The following RPH3A variants were observed in gnomAD, a reference collection of about 807,000 sequenced individuals.
RPH3A encodes the protein rabphilin 3A, also known as rabphilin-3A.
RPH3A carries 48 observed loss-of-function variants against 102.2 expected under a neutral mutation model. The ratio of observed to expected loss-of-function variants is 0.47; its 90% CI spans 0.37 to 0.60. The LOEUF (loss-of-function observed/expected upper bound fraction) is 0.60. RPH3A is among the 20% of genes least tolerant of loss of function. The pLI is 0.00. For synonymous variants in RPH3A, 310 were observed against 324.3 expected (o/e 0.96, Z 0.47); for missense variants, 781 against 910.1 (o/e 0.86, Z 1.83).
rs377510232 is a variant in RPH3A at position 112,708,859 on chromosome 12, T to A, written c.-139-83284T>A. ...TCTTTTCCTTTGTCCTTTGTTTTCT[T>A]TCTCTCCCAGATCTGGATCCTATAA... On this transcript the variant is annotated intron_variant, in intron 1 of 21. Transcript: ENST00000543106. Among the ~76,000 whole-genome samples the A allele has an allele frequency of 8.5e-5, 13 of 152,300 alleles. No homozygotes were observed. In the East Asian group the frequency reaches 1.3e-3, roughly 16 times the overall value.
At chr12:112,816,718 A>G (rs943639592) in intron 2 of RPH3A, among the ~76,000 whole-genome samples, 4 of 151,434 alleles carry the variant, frequency 2.6e-5, no homozygotes, top group African/African-American at 9.8e-5. Flanking sequence ...TTATTAGTGT[A>G]TTACTATTGT....
intron 1 of RPH3A, among the ~76,000 whole-genome samples, chr12:112,783,980 C>A (rs1181733729): frequency 6.6e-6 from 1 of 152,112 alleles, no homozygotes; most frequent in Non-Finnish European, 1.5e-5. Context: ...TTGAGAGGAT[C>A]TTCTTGGAGG....
chr12:112,760,550 A>G (rs1310207910), intron 1 of RPH3A, among the ~76,000 whole-genome samples: 1 of 152,250 alleles, frequency 6.6e-6, no homozygotes, highest in Non-Finnish European at 1.5e-5. Flanking sequence ...GTGAAGTTAT[A>G]ATGAACATAT....
chr12:112,749,879 CTTTTTG>C (rs909800540), intron 1 of RPH3A, among the ~76,000 whole-genome samples: 10 of 152,088 alleles, frequency 6.6e-5, no homozygotes, highest in African/African-American at 2.4e-4. Context: ...AGAGTTCTCT[CTTTTTG>C]TTTTTGTTTT....
intron 6 of RPH3A, among the ~76,000 whole-genome samples, chr12:112,866,444 A>G (rs1341532811): frequency 6.6e-6 from 1 of 152,156 alleles, no homozygotes; most frequent in Admixed American, 6.5e-5. Context: ...TAAGATAAAA[A>G]ATGGATATAT....
chr12:112,701,756 C>A (rs1298361731), intron 1 of RPH3A, among the ~76,000 whole-genome samples: 1 of 152,138 alleles, frequency 6.6e-6, no homozygotes, highest in Admixed American at 6.5e-5. Context: ...TGAAACATAA[C>A]AAAGAAGAGA....
At chr12:112,879,276 C>T (rs751868741) in intron 14 of RPH3A, 78 bp downstream of exon 14, 11 of 1,208,916 alleles carry the variant, frequency 9.1e-6, no homozygotes, top group Non-Finnish European at 1.2e-5. Flanking sequence ...GATGGATGAC[C>T]AGGCCTGTCT....
intron 1 of RPH3A, among the ~76,000 whole-genome samples, chr12:112,663,438 T>A (rs376195668): frequency 6.6e-6 from 1 of 152,036 alleles, no homozygotes; most frequent in African/African-American, 2.4e-5. Context: ...GGTCTTGAAC[T>A]CCTGGACTCA....
intron 1 of RPH3A, among the ~76,000 whole-genome samples, chr12:112,748,417 T>G (rs1359860912): frequency 6.6e-6 from 1 of 152,156 alleles, no homozygotes; most frequent in Non-Finnish European, 1.5e-5. Flanking sequence ...CACAGCAGCC[T>G]TAAACTCATG....
intron 1 of RPH3A, among the ~76,000 whole-genome samples, chr12:112,640,006 A>T (rs1263674762): frequency 6.6e-6 from 1 of 152,054 alleles, no homozygotes; most frequent in Non-Finnish European, 1.5e-5. Context: ...GCTGGGAAAT[A>T]GTGGAGCCGG....
intron 1 of RPH3A, among the ~76,000 whole-genome samples, chr12:112,701,445 C>T (rs770801938): frequency 6.6e-6 from 1 of 152,182 alleles, no homozygotes; most frequent in Admixed American, 6.6e-5. Context: ...CCTCAGTGAG[C>T]AGAATCAGGG....
chr12:112,678,278 A>AG (rs2040197557), intron 1 of RPH3A, among the ~76,000 whole-genome samples: 4 of 82,408 alleles, frequency 4.9e-5, no homozygotes, highest in East Asian at 3.7e-4. Flanking sequence ...AGAAAGAAAG[A>AG]AAGAAAGAAA....
chr12:112,613,840 A>G (rs1297981626), intron 1 of RPH3A, among the ~76,000 whole-genome samples: 1 of 152,140 alleles, frequency 6.6e-6, no homozygotes, highest in Non-Finnish European at 1.5e-5. Context: ...GCTACTCAGG[A>G]GACTGAGGCG....
At chr12:112,768,305 C>T (rs1168669877) in intron 1 of RPH3A, among the ~76,000 whole-genome samples, 2 of 152,188 alleles carry the variant, frequency 1.3e-5, no homozygotes, top group African/African-American at 2.4e-5. Flanking sequence ...GCTCTCTAAA[C>T]TCTTCCATGG....
intron 2 of RPH3A, among the ~76,000 whole-genome samples, chr12:112,812,669 TTCTCTC>T (rs35202488): frequency 6.7e-6 from 1 of 149,934 alleles, no homozygotes. Context: ...TTCTATCCCC[TTCTCTC>T]TCTCTCTCTC....
At chr12:112,659,109 A>G (rs556743813) in intron 1 of RPH3A, among the ~76,000 whole-genome samples, 25 of 152,094 alleles carry the variant, frequency 1.6e-4, no homozygotes, top group Non-Finnish European at 3.2e-4. Context: ...GTAAATTGCT[A>G]CCTCCTACTG....
intron 1 of RPH3A, among the ~76,000 whole-genome samples, chr12:112,591,378 CT>C (rs1476753370): frequency 1.3e-5 from 2 of 152,392 alleles, no homozygotes; most frequent in African/African-American, 4.8e-5. Flanking sequence ...GTGTGAGCCA[CT>C]GCACTGGCCC....
At chr12:112,692,126 C>T (rs1592946097) in intron 1 of RPH3A, among the ~76,000 whole-genome samples, 1 of 151,996 alleles carries the variant, frequency 6.6e-6, no homozygotes, top group Non-Finnish European at 1.5e-5. Flanking sequence ...TTAAAGTTGG[C>T]CTCAAAGAAG....
chr12:112,650,635 T>C (rs985329175), intron 1 of RPH3A: 3 of 152,186 alleles, frequency 2.0e-5, no homozygotes, highest in Non-Finnish European at 2.9e-5. Context: ...AGTTTTGACT[T>C]TTTTTCCCCA....
Sources: allele counts gnomAD v4.1 joint callset (sites outside exome capture counted in the v4.1 genomes callset), GRCh38; gene constraint gnomAD v4.1.1; transcripts MANE v1.5; gene names NCBI Gene and HGNC (gene_info 2026-07-23, HGNC 2026-07-21).